Variants in FAM177A1 observed in about 807,000 individuals in gnomAD.
FAM177A1 encodes protein FAM177A1.
A neutral mutation model predicts 26.1 loss-of-function variants in FAM177A1; 22 were observed. The ratio of observed to expected loss-of-function variants is 0.84; its 90% CI spans 0.60 to 1.20. FAM177A1 has a LOEUF of 1.20. Ranked by LOEUF, FAM177A1 falls within the 50% of genes most tolerant of loss-of-function variation. The pLI is 0.00. For missense variants in FAM177A1, 296 were observed against 291.1 expected (o/e 1.02, Z -0.12); for synonymous variants, 95 against 99.3 (o/e 0.96, Z 0.26).
chr14:35,060,652 G>T (rs1189384091), intron 2 of FAM177A1, among the ~76,000 whole-genome samples: 1 of 152,104 alleles, frequency 6.6e-6, no homozygotes, highest in Non-Finnish European at 1.5e-5. Flanking sequence ...TTTTAGTGAA[G>T]TCTATTCTCC....
chr14:35,077,507 G>A (rs1256096682), intron 3 of FAM177A1, among the ~76,000 whole-genome samples: 1 of 113,192 alleles, frequency 8.8e-6, no homozygotes, highest in Non-Finnish European at 1.7e-5. Flanking sequence ...ACGGAGTCTC[G>A]CTCTGTCGCC....
At position 35,070,588 on chromosome 14, in the gene FAM177A1, A is replaced by C. The variant is rs552050970; in HGVS notation, c.340-6562A>C. ...TGTTATCTGCCCACCTTGGCCTCCC[A>C]AAGTGCTGGGATTACAGGCGTGAGC... On this transcript the variant is annotated intron_variant, in intron 2 of 4. Transcript: ENST00000280987. Among the ~76,000 whole-genome samples the C allele has an allele frequency of 3.9e-5, 6 of 152,150 alleles. 1 individual carries two copies. In the South Asian group the frequency reaches 1.2e-3, roughly 32 times the overall value.
chr14:35,070,955 A>T (rs1023100761), intron 2 of FAM177A1, among the ~76,000 whole-genome samples: 1 of 151,912 alleles, frequency 6.6e-6, no homozygotes, highest in East Asian at 1.9e-4. Flanking sequence ...AAAATGGGTG[A>T]ATTACATTTT....
chr14:35,060,667 C>G (rs2138541032), intron 2 of FAM177A1, among the ~76,000 whole-genome samples: 2 of 152,250 alleles, frequency 1.3e-5, no homozygotes, highest in East Asian at 3.9e-4. Flanking sequence ...TTCTCCACTC[C>G]TATTCTTTCC....
chr14:35,076,026 CAG>C (rs1291403027), intron 2 of FAM177A1, among the ~76,000 whole-genome samples: 1 of 152,194 alleles, frequency 6.6e-6, no homozygotes, highest in Non-Finnish European at 1.5e-5. Flanking sequence ...TTGTGGAAGA[CAG>C]TGTGGCGATT....
chr14:35,075,368 C>T (rs2045379196), intron 2 of FAM177A1, among the ~76,000 whole-genome samples: 1 of 152,172 alleles, frequency 6.6e-6, no homozygotes, highest in Admixed American at 6.6e-5. Context: ...TATGGCTAGC[C>T]AGTTTTCCCA....
intron 1 of FAM177A1, 185 bp downstream of exon 1, chr14:35,046,813 C>T (rs2044874704): frequency 7.3e-7 from 1 of 1,377,064 alleles, no homozygotes; most frequent in East Asian, 3.0e-5. Context: ...CCCCCCGCCT[C>T]ACTCACCAAC....
Position 35,059,600 on chromosome 14 carries a change from T to C in FAM177A1, c.339+6149T>C, listed in dbSNP as rs577116979. On this transcript the variant is annotated intron_variant, in intron 2 of 4. Transcript: ENST00000280987. ...GCCAGGCTGGAGTGCAGTGGCGCAA[T>C]CTCGGCTCACTGCAACCTCTGCCTC... is the stretch of plus-strand genomic sequence containing the variant. 6.1e-5 allele frequency among the ~76,000 whole-genome samples: 9 copies of C among 148,602 alleles called. No individual in the cohort carries two copies. In the East Asian group the frequency reaches 1.8e-3, roughly 30 times the overall value.
rs2045516380 is a variant in FAM177A1 at position 35,083,373 on chromosome 14, A to G, written c.*2145A>G. ...TATGCAAACTATAAAATTTCCCATAAATGTATTCAATGGTTTGTCTTACTT... is the reference window on the plus strand; with the variant it reads ...TATGCAAACTATAAAATTTCCCATAGATGTATTCAATGGTTTGTCTTACTT... On this transcript the variant is annotated 3_prime_UTR_variant, in exon 5 of 5. Coordinates refer to ENST00000280987, the MANE Select transcript of FAM177A1 (RefSeq NM_173607.5). 1 of 152,628 alleles carries G rather than the reference A, an allele frequency of 6.6e-6. No individual in the cohort carries two copies. The highest frequency in any genetic ancestry group is 1.5e-5 in the Non-Finnish European group (1 of 68,038). The allele number at this position is 152,628 out of a possible 1,614,324, so 9.5% of individuals were successfully genotyped here. A position where few individuals can be genotyped will look rare whatever the true frequency, so the allele number is the denominator to read the frequency against.
At chr14:35,053,092 G>T in intron 1 of FAM177A1, 186 bp from the exon 2 acceptor site, 1 of 521,730 alleles carries the variant, frequency 1.9e-6, no homozygotes, top group Non-Finnish European at 3.3e-6. Flanking sequence ...GGTTTTATTT[G>T]GTCTGCCATA....
At chr14:35,060,277 T>TTTTTG (rs1165751703) in intron 2 of FAM177A1, among the ~76,000 whole-genome samples, 2 of 152,104 alleles carry the variant, frequency 1.3e-5, no homozygotes. Flanking sequence ...GCCTGGCCAG[T>TTTTTG]TTTTGTTTTG....
chr14:35,074,496 T>C (rs112840631), intron 2 of FAM177A1, among the ~76,000 whole-genome samples: 5,713 of 151,866 alleles, frequency 0.038, 106 homozygotes, highest in South Asian at 0.062. Context: ...TGGCTAATTT[T>C]TGTATTTTGA....
At position 35,046,599 on chromosome 14, in the gene FAM177A1, G is replaced by T. The variant is rs765650226; in HGVS notation, c.136G>T (p.Ala46Ser). ...EAVAASGAAAAAAFGESAGQM... is the reference protein window; with the variant it reads ...EAVAASGAAASAAFGESAGQM... ...CGTCGCAGCCTCGGGAGCTGCGGCCGCCGCGGCATTCGGGGAATCTGCAGG... is the reference window on the plus strand; with the variant it reads ...CGTCGCAGCCTCGGGAGCTGCGGCCTCCGCGGCATTCGGGGAATCTGCAGG... The change falls in exon 1 of 5, where the codon GCC (alanine) becomes TCC (serine). Residue 46 changes from alanine to serine, a missense_variant. Coordinates refer to ENST00000280987, the MANE Select transcript of FAM177A1 (RefSeq NM_173607.5). 1.9e-6 allele frequency: 3 copies of T among 1,553,386 alleles called. No homozygotes were observed. The highest frequency in any genetic ancestry group is 2.6e-6 in the Non-Finnish European group (3 of 1,150,168).
chr14:35,081,142 T>G lies in FAM177A1; in HGVS notation c.625T>G (p.Ser209Ala). Residue 209 changes from serine to alanine, a missense_variant, in exon 5 of 5, where the codon TCA becomes GCA. Transcript: ENST00000280987. ...TDQPETVISS[S>A]FVNVNFEMEG... ...TCAACCAGAGACAGTGATATCCAGC[T>G]CATTTGTGAATGTCAATTTTGAAAT... 1 of 1,613,702 alleles carries G rather than the reference T, an allele frequency of 6.2e-7. No homozygotes were observed. Among genetic ancestry groups the G allele is most frequent in the Non-Finnish European group, 8.5e-7 (1 of 1,179,870 alleles).
chr14:35,079,130 TTATGC>T, intron 4 of FAM177A1, 106 bp downstream of exon 4: 1 of 714,308 alleles, frequency 1.4e-6, no homozygotes, highest in Non-Finnish European at 2.3e-6. Context: ...TGTAGCTCTC[TTATGC>T]TAGGCATTTC....
In FAM177A1 at chr14:35,046,407, G is replaced by C. The variant is rs1287491662; in HGVS notation, c.-57G>C. The stretch of plus-strand genomic sequence containing the variant: ...GCGGCGCGAGGCGGGCGCTGGGCGG[G>C]TGAGTCCCACTTCCCGACAGCCTGG... On this transcript the variant is annotated 5_prime_UTR_variant, in exon 1 of 5. Coordinates refer to ENST00000280987, the MANE Select transcript of FAM177A1 (RefSeq NM_173607.5). 8 of 1,446,936 alleles carry C rather than the reference G, an allele frequency of 5.5e-6. No homozygotes were observed. The highest frequency in any genetic ancestry group is 7.3e-6 in the Non-Finnish European group (8 of 1,092,324). The allele number at this position is 1,446,936 out of a possible 1,614,324, so 89.6% of individuals were successfully genotyped here.
chr14:35,076,380 G>A (rs1422240356), intron 2 of FAM177A1, among the ~76,000 whole-genome samples: 2 of 152,006 alleles, frequency 1.3e-5, no homozygotes, highest in African/African-American at 2.4e-5. Context: ...CTCTTAGGTG[G>A]GAATTGAACA....
intron 1 of FAM177A1, chr14:35,046,970 A>T: frequency 9.2e-7 from 1 of 1,085,366 alleles, no homozygotes. Context: ...GGCGGCTTCA[A>T]CCACTTCTCA....
chr14:35,052,325 C>T (rs1017011588), intron 1 of FAM177A1, among the ~76,000 whole-genome samples: 50 of 151,678 alleles, frequency 3.3e-4, no homozygotes, highest in African/African-American at 1.1e-3. Flanking sequence ...AGGTTCATGC[C>T]ATTCTTCTGC....
Sources: gnomAD v4.1 joint callset for allele counts (sites outside exome capture counted in the v4.1 genomes callset) on GRCh38, gnomAD v4.1.1 for gene constraint, MANE v1.5 for transcripts, NCBI Gene and HGNC (gene_info 2026-07-23, HGNC 2026-07-21) for gene names.